Variants in ZIC2 observed in about 807,000 individuals in gnomAD.
ZIC2 encodes Zic family zinc finger 2.
A neutral mutation model predicts 29.5 loss-of-function variants in ZIC2; 7 were observed. That is an observed-to-expected ratio of 0.24 (90% CI 0.14 to 0.45). The LOEUF (loss-of-function observed/expected upper bound fraction) is 0.45. Among genes scored for constraint, ZIC2 ranks in the 20% least tolerant of loss-of-function variants. The pLI, the probability that ZIC2 is intolerant of heterozygous loss-of-function variation, is 1.00. For synonymous variants in ZIC2, 408 were observed against 354.2 expected, an observed-to-expected ratio of 1.15 and a Z score of -1.70; for missense variants, 589 against 781.2, an observed-to-expected ratio of 0.75 and a Z score of 2.93.
In ZIC2 at chr13:99,985,969, C is replaced by T. The variant is rs1223926482; in HGVS notation, c.*287C>T. On this transcript the variant is annotated 3_prime_UTR_variant, in exon 3 of 3. Coordinates refer to ENST00000376335, the MANE Select transcript of ZIC2 (RefSeq NM_007129.5). The surrounding 1 kb of genome is among the most constrained non-coding windows in gnomAD (Gnocchi z 6.3). Reference sequence around the variant, plus strand: ...CCCACAAAAATGTTGAACCAAACCTCCCTGCTAATCTCCATGCCCACGTTC... The same window carrying T: ...CCCACAAAAATGTTGAACCAAACCTTCCTGCTAATCTCCATGCCCACGTTC... The T allele has an allele frequency of 4.8e-6, 2 of 416,976 alleles. No individual in the cohort carries two copies. Among genetic ancestry groups the T allele is most frequent in the Non-Finnish European group, 9.3e-6 (2 of 214,990 alleles). 25.8% of individuals were successfully genotyped at this position (416,976 alleles called of 1,614,324 possible). A position where few individuals can be genotyped will look rare whatever the true frequency, so the allele number is the denominator to read the frequency against.
Position 99,985,191 on chromosome 13 carries a change from G to C in ZIC2, c.1239+82G>C, listed in dbSNP as rs983546866. On this transcript the variant is annotated intron_variant, in intron 2 of 2. Transcript: ENST00000376335. The surrounding 1 kb of genome is among the most constrained non-coding windows in gnomAD (Gnocchi z 6.3). ...TGGCCCGGACCACCTCAGCCGGCCT[G>C]GGAGGGTCCCCAGGGGCCAGGGCGG... 1.4e-5 allele frequency: 22 copies of C among 1,608,872 alleles called. No homozygotes were observed. The highest frequency in any genetic ancestry group is 1.8e-5 in the Non-Finnish European group (21 of 1,177,246).
In ZIC2 at chr13:99,985,820, AGAAGGATTTTT is replaced by A. The variant is rs2053265215; in HGVS notation, c.*139_*149del. The stretch of plus-strand genomic sequence containing the variant: ...TTATGATGATGAAAATTTTACCAGC[AGAAGGATTTTT>A]TAAAGTTTTTTTTTTTTTTTTAATA... On this transcript the variant is annotated 3_prime_UTR_variant, in exon 3 of 3. Transcript: ENST00000376335. The surrounding 1 kb of genome is among the most constrained non-coding windows in gnomAD (Gnocchi z 6.3). 2.5e-6 allele frequency: 1 copy of A among 400,506 alleles called. No homozygotes were observed. The highest frequency in any genetic ancestry group is 5.4e-5 in the Admixed American group (1 of 18,662). The allele number at this position is 400,506 out of a possible 1,614,324, so 24.8% of individuals were successfully genotyped here. A position where few individuals can be genotyped will look rare whatever the true frequency, so the allele number is the denominator to read the frequency against.
Position 99,982,573 on chromosome 13 carries a change from G to A in ZIC2, c.509G>A (p.Gly170Asp). The part of the protein sequence containing the change: ...PGLPEQHGPH[G>D]SQNVLNGQMR... ...CTGCCAGAGCAGCACGGGCCGCACG[G>A]CTCGCAGAATGTGCTCAACGGGCAG... The change falls in exon 1 of 3, where the codon GGC becomes GAC. Residue 170 changes from glycine (G) to aspartate (D), a missense_variant. Physicochemically the swap from Gly to Asp is moderately conservative, Grantham distance 94 (BLOSUM62 -1). Transcript: ENST00000376335. The A allele has an allele frequency of 6.4e-7, 1 of 1,563,812 alleles. No homozygotes were observed. The highest frequency in any genetic ancestry group is 8.6e-7 in the Non-Finnish European group (1 of 1,160,494).
rs758192974 is a variant in ZIC2, at chr13:99,982,724, C to T, written c.660C>T (p.Asn220=). 1.6e-5 allele frequency: 25 copies of T among 1,601,330 alleles called. No homozygotes were observed. The highest frequency in any genetic ancestry group is 1.5e-4 in the Admixed American group (9 of 59,994). Residue 220 remains asparagine (N), a synonymous_variant, in exon 1 of 3, where the codon AAC becomes AAT. Coordinates refer to ENST00000376335, the MANE Select transcript of ZIC2 (RefSeq NM_007129.5). ...ACCAGTACGGCCCCATGAATATGAA[C>T]ATGGGTATGAACATGGCAGCAGCCG... ...LHNQYGPMNM[N]MGMNMAAAAA...
In ZIC2 at chr13:99,982,680, T is replaced by C; in HGVS notation, c.616T>C (p.Ser206Pro). 6.2e-7 allele frequency: 1 copy of C among 1,600,128 alleles called. No individual in the cohort carries two copies. The highest frequency in any genetic ancestry group is 8.5e-7 in the Non-Finnish European group (1 of 1,179,628). The change falls in exon 1 of 3, where the codon TCG (serine) becomes CCG (proline). Residue 206 changes from serine (S) to proline (P), a missense_variant. By Grantham distance (74) the Ser-to-Pro change is moderately conservative. Around this residue, in one of 7 missense-constraint regions of ZIC2, gnomAD observed 358 missense variants for 382.0 expected, o/e 0.94. Coordinates refer to ENST00000376335, the MANE Select transcript of ZIC2 (RefSeq NM_007129.5). Reference protein sequence around the residue: ...QVASPRTDPYSAAQLHNQYGP... With the variant: ...QVASPRTDPYPAAQLHNQYGP... The stretch of plus-strand genomic sequence containing the variant: ...GGCCAGCCCGCGGACCGACCCCTAC[T>C]CGGCGGCGCAACTCCACAACCAGTA...
At position 99,986,030 on chromosome 13, in the gene ZIC2, G is replaced by A. The variant is rs978982376; in HGVS notation, c.*348G>A. 2.2e-6 allele frequency: 1 copy of A among 456,016 alleles called. No individual in the cohort carries two copies. Among genetic ancestry groups the A allele is most frequent in the Non-Finnish European group, 4.4e-6 (1 of 226,926 alleles). 28.2% of individuals were successfully genotyped at this position (456,016 alleles called of 1,614,324 possible). A position where few individuals can be genotyped will look rare whatever the true frequency, so the allele number is the denominator to read the frequency against. Reference sequence around the variant, plus strand: ...TGTTCCCAGTCTTCTGACAAACTGTGTACATAGCGGACTCCTCCTTTCTCC... The same window carrying A: ...TGTTCCCAGTCTTCTGACAAACTGTATACATAGCGGACTCCTCCTTTCTCC... On this transcript the variant is annotated 3_prime_UTR_variant, in exon 3 of 3. Transcript: ENST00000376335.
rs1293142988 is a variant in ZIC2, at chr13:99,981,792, C to T, written c.-273C>T. 1.8e-6 allele frequency: 1 copy of T among 555,760 alleles called. No homozygotes were observed. Among genetic ancestry groups the T allele is most frequent in the Non-Finnish European group, 2.9e-6 (1 of 341,242 alleles). The allele number at this position is 555,760 out of a possible 1,614,324, so 34.4% of individuals were successfully genotyped here. ...GTTCTCCGCCTGGCTTTGGACTCTT[C>T]TCCTCCTCCACCTCCTCCTCCTCCT... On this transcript the variant is annotated 5_prime_UTR_variant, in exon 1 of 3. Coordinates refer to ENST00000376335, the MANE Select transcript of ZIC2 (RefSeq NM_007129.5).
rs1259404175 is a variant in ZIC2 at position 99,985,185 on chromosome 13, C to A, written c.1239+76C>A. 1 of 1,609,894 alleles carries A rather than the reference C, an allele frequency of 6.2e-7. No individual in the cohort carries two copies. The highest frequency in any genetic ancestry group is 2.2e-5 in the East Asian group (1 of 44,776). ...CAGCACTGGCCCGGACCACCTCAGC[C>A]GGCCTGGGAGGGTCCCCAGGGGCCA... On this transcript the variant is annotated intron_variant, in intron 2 of 2. Coordinates refer to ENST00000376335, the MANE Select transcript of ZIC2 (RefSeq NM_007129.5). This position sits in a 1 kb window ranked among gnomAD's most constrained non-coding sequence, Gnocchi z 6.3.
rs957547266 is a variant in ZIC2, at chr13:99,982,780, ACCC to A, written c.718_720del (p.Pro240del). On this transcript the variant is annotated inframe_deletion, in exon 1 of 3. Coordinates refer to ENST00000376335, the MANE Select transcript of ZIC2 (RefSeq NM_007129.5). ...CACCACCACCACCACCACCACCACC[ACCC>A]CGGTGCCTTTTTCCGCTATATGCGG... 8 of 1,515,934 alleles carry A rather than the reference ACCC, an allele frequency of 5.3e-6. No individual in the cohort carries two copies. The highest frequency in any genetic ancestry group is 7.2e-6 in the Non-Finnish European group (8 of 1,115,530). 93.9% of individuals were successfully genotyped at this position (1,515,934 alleles called of 1,614,324 possible). A position where few individuals can be genotyped will look rare whatever the true frequency, so the allele number is the denominator to read the frequency against.
Position 99,985,231 on chromosome 13 carries a change from C to T in ZIC2, c.1240-92C>T. The T allele has an allele frequency of 6.2e-7, 1 of 1,602,912 alleles. No individual in the cohort carries two copies. ...GGCCAGGGCGGCGGGGGGAACATTT[C>T]TGGGGGTGCTCTCCCCCAGGGGCCC... On this transcript the variant is annotated intron_variant, in intron 2 of 2. Coordinates refer to ENST00000376335, the MANE Select transcript of ZIC2 (RefSeq NM_007129.5). This position sits in a 1 kb window ranked among gnomAD's most constrained non-coding sequence, Gnocchi z 6.3.
At chr13:99,984,840 C>T (rs1372674838) in intron 1 of ZIC2, 106 bp from the exon 2 acceptor site, 1 of 1,448,024 alleles carries the variant, frequency 6.9e-7, no homozygotes, top group Non-Finnish European at 9.6e-7. Context: ...GGACCCAGCC[C>T]CCTCAGGTCC....
In ZIC2 at chr13:99,982,473, G is replaced by C; in HGVS notation, c.409G>C (p.Gly137Arg). 1 of 1,455,118 alleles carries C rather than the reference G, an allele frequency of 6.9e-7. No individual in the cohort carries two copies. Among genetic ancestry groups the C allele is most frequent in the Non-Finnish European group, 9.0e-7 (1 of 1,111,092 alleles). 90.1% of individuals were successfully genotyped at this position (1,455,118 alleles called of 1,614,324 possible). Residue 137 changes from glycine (G) to arginine (R), a missense_variant, in exon 1 of 3, where the codon GGG (glycine) becomes CGG (arginine). Physicochemically the swap from Gly to Arg is moderately radical, Grantham distance 125. Around this residue, in one of 7 missense-constraint regions of ZIC2, gnomAD observed 358 missense variants for 382.0 expected, o/e 0.94. Transcript: ENST00000376335. ...CTCGGCGCCGGGCGGCGGGCAGCACGGGCTGTTCGGGCCGGGCGCGGGCGG... is the reference window on the plus strand; with the variant it reads ...CTCGGCGCCGGGCGGCGGGCAGCACCGGCTGTTCGGGCCGGGCGCGGGCGG... ...GDSAPGGGQH[G>R]LFGPGAGGLH... is the part of the protein sequence containing the mutation.
Position 99,982,505 on chromosome 13 carries a change from C to T in ZIC2, c.441C>T (p.His147=), listed in dbSNP as rs1354737461. The T allele has an allele frequency of 9.3e-6, 14 of 1,508,060 alleles. No homozygotes were observed. The highest frequency in any genetic ancestry group is 1.2e-5 in the Non-Finnish European group (13 of 1,128,988). The allele number at this position is 1,508,060 out of a possible 1,614,324, so 93.4% of individuals were successfully genotyped here. Residue 147 remains histidine, a synonymous_variant, in exon 1 of 3, where the codon CAC becomes CAT. Transcript: ENST00000376335. The part of the protein sequence containing the change: ...GLFGPGAGGL[H]HAHSDAQGHL... ...TCGGGCCGGGCGCGGGCGGCCTGCA[C>T]CACGCGCACTCGGACGCGCAGGGCC...
chr13:99,984,856 C>T (rs1271051570), intron 1 of ZIC2, 90 bp from the exon 2 acceptor site: 1 of 1,571,622 alleles, frequency 6.4e-7, no homozygotes, highest in Non-Finnish European at 8.7e-7. Context: ...GGTCCTTCTC[C>T]CTCGCCGCGG....
At position 99,985,237 on chromosome 13, in the gene ZIC2, G is replaced by C; in HGVS notation, c.1240-86G>C. 2 of 1,603,140 alleles carry C rather than the reference G, an allele frequency of 1.2e-6. No individual in the cohort carries two copies. Among genetic ancestry groups the C allele is most frequent in the Non-Finnish European group, 1.7e-6 (2 of 1,176,646 alleles). ...GGCGGCGGGGGGAACATTTCTGGGG[G>C]TGCTCTCCCCCAGGGGCCCGGCCCC... On this transcript the variant is annotated intron_variant, in intron 2 of 2. Coordinates refer to ENST00000376335, the MANE Select transcript of ZIC2 (RefSeq NM_007129.5). The surrounding 1 kb of genome is among the most constrained non-coding windows in gnomAD (Gnocchi z 6.3).
In ZIC2 at chr13:99,981,963, G is replaced by T. The variant is rs1010320839; in HGVS notation, c.-102G>T. On this transcript the variant is annotated 5_prime_UTR_variant, in exon 1 of 3. Transcript: ENST00000376335. ...AGTGGCCGCCACCACCGCCGCCTGC[G>T]CCTGGAGCCCGGTGGCCGCCGGACG... 2.5e-6 allele frequency: 3 copies of T among 1,181,236 alleles called. No homozygotes were observed. Among genetic ancestry groups the T allele is most frequent in the East Asian group, 3.9e-5 (1 of 25,788 alleles). 73.2% of individuals were successfully genotyped at this position (1,181,236 alleles called of 1,614,324 possible).
Position 99,981,855 on chromosome 13 carries a change from C to A in ZIC2, c.-210C>A. The A allele has an allele frequency of 9.7e-7, 1 of 1,027,352 alleles. No homozygotes were observed. Among genetic ancestry groups the A allele is most frequent in the Non-Finnish European group, 1.3e-6 (1 of 754,624 alleles). 63.6% of individuals were successfully genotyped at this position (1,027,352 alleles called of 1,614,324 possible). ...CCTCCTCCTCCTCTTCCTCTCCGCG[C>A]CTTCGCTACGCGCCCGGCCGCCCGA... On this transcript the variant is annotated 5_prime_UTR_variant, in exon 1 of 3. Coordinates refer to ENST00000376335, the MANE Select transcript of ZIC2 (RefSeq NM_007129.5).
rs1016804074 is a variant in ZIC2 at position 99,985,943 on chromosome 13, A to C, written c.*261A>C. 5.1e-6 allele frequency: 2 copies of C among 389,152 alleles called. No homozygotes were observed. Among genetic ancestry groups the C allele is most frequent in the African/African-American group, 2.1e-5 (1 of 46,972 alleles). The allele number at this position is 389,152 out of a possible 1,614,324, so 24.1% of individuals were successfully genotyped here. ...ACAAATAAAAAATAAAAAAATAAAAACCCACAAAAATGTTGAACCAAACCT... is the reference window on the plus strand; with the variant it reads ...ACAAATAAAAAATAAAAAAATAAAACCCCACAAAAATGTTGAACCAAACCT... On this transcript the variant is annotated 3_prime_UTR_variant, in exon 3 of 3. Coordinates refer to ENST00000376335, the MANE Select transcript of ZIC2 (RefSeq NM_007129.5). The surrounding 1 kb of genome is among the most constrained non-coding windows in gnomAD (Gnocchi z 6.3).
Position 99,985,707 on chromosome 13 carries a change from C to T in ZIC2, c.*25C>T. On this transcript the variant is annotated 3_prime_UTR_variant, in exon 3 of 3. Transcript: ENST00000376335. This position sits in a 1 kb window ranked among gnomAD's most constrained non-coding sequence, Gnocchi z 6.3. ...ACGGGTCGGGGCCTCTCTCCCTCTC[C>T]CTGTCCCCACCCCAGCGCAGCAGCC... 1.5e-6 allele frequency: 2 copies of T among 1,301,498 alleles called. No homozygotes were observed. Among genetic ancestry groups the T allele is most frequent in the Non-Finnish European group, 2.0e-6 (2 of 994,122 alleles). The allele number at this position is 1,301,498 out of a possible 1,614,324, so 80.6% of individuals were successfully genotyped here.
Sources: gnomAD v4.1 joint callset for allele counts on GRCh38, gnomAD v4.1.1 for gene constraint, gnomAD v4.1.1 regional missense constraint, Gnocchi (gnomAD v3.1) non-coding constraint, MANE v1.5 for transcripts, NCBI Gene and HGNC (gene_info 2026-07-23, HGNC 2026-07-21) for gene names.